KHDRBS2: variants seen among roughly 807,000 people sequenced by gnomAD.
The protein encoded by KHDRBS2 is KH RNA binding domain containing, signal transduction associated 2.
In KHDRBS2, 26 loss-of-function variants were observed where a neutral mutation model predicts 44.3. The ratio of observed to expected loss-of-function variants is 0.59; its 90% CI spans 0.43 to 0.81. The LOEUF is 0.81. Ranked by LOEUF, KHDRBS2 falls within the 40% of genes least tolerant of loss-of-function variation. The pLI is 0.00. For missense variants in KHDRBS2, 476 were observed against 433.1 expected, an observed-to-expected ratio of 1.10 and a Z score of -0.88; for synonymous variants, 194 against 151.1, an observed-to-expected ratio of 1.28 and a Z score of -2.08.
the KHDRBS2 span, among the ~76,000 whole-genome samples, chr6:61,647,031 G>A: frequency 6.6e-6 from 1 of 151,922 alleles, no homozygotes; most frequent in South Asian, 2.1e-4. Flanking sequence ...ATTGGCCAGA[G>A]TGGTCTTGAA....
rs193007579 is a variant in KHDRBS2 at position 61,773,000 on chromosome 6, G to A, written c.811-40236C>T. Among the ~76,000 whole-genome samples the A allele has an allele frequency of 8.9e-3, 1,360 of 152,140 alleles. 14 individuals are homozygous for A. The highest frequency in any genetic ancestry group is 0.031 in the Middle Eastern group (9 of 292). On this transcript the variant is annotated intron_variant, in intron 6 of 8. Coordinates refer to ENST00000281156, the MANE Select transcript of KHDRBS2 (RefSeq NM_152688.4). ...ATTTTTTATGTCTGCATAGTATTCC[G>A]TGGTGTATATGTGCCACATTTTCTT...
At chr6:62,114,252 G>C (rs927362831) in intron 2 of KHDRBS2, among the ~76,000 whole-genome samples, 2 of 151,936 alleles carry the variant, frequency 1.3e-5, no homozygotes, top group African/African-American at 4.8e-5. Flanking sequence ...AATTAAACAA[G>C]GTGCATAAGA....
At chr6:61,964,042 T>A (rs541396876) in intron 4 of KHDRBS2, among the ~76,000 whole-genome samples, 5 of 152,150 alleles carry the variant, frequency 3.3e-5, no homozygotes, top group African/African-American at 1.2e-4. Flanking sequence ...GGTAATGTCA[T>A]CTAAAGACAT....
intron 6 of KHDRBS2, among the ~76,000 whole-genome samples, chr6:61,748,079 C>T (rs1777117013): frequency 6.6e-6 from 1 of 152,138 alleles, no homozygotes; most frequent in Non-Finnish European, 1.5e-5. Flanking sequence ...CAACCTCTGC[C>T]TCTTGGGTTC....
At chr6:61,705,665 A>G (rs1410758120) in intron 7 of KHDRBS2, among the ~76,000 whole-genome samples, 2 of 151,772 alleles carry the variant, frequency 1.3e-5, no homozygotes, top group African/African-American at 2.4e-5. Context: ...GCTGATTGAG[A>G]TTAGGAATAT....
At chr6:62,102,448 G>GCCCCAAAAACAAA (rs1802121700) in intron 2 of KHDRBS2, among the ~76,000 whole-genome samples, 1 of 152,182 alleles carries the variant, frequency 6.6e-6, no homozygotes, top group African/African-American at 2.4e-5. Context: ...GCCCCAAAGA[G>GCCCCAAAAACAAA]GGTGTTACAG....
chr6:61,923,740 T>C lies in KHDRBS2; in HGVS notation c.484-22369A>G, dbSNP rs149813187. On this transcript the variant is annotated intron_variant, in intron 4 of 8. Transcript: ENST00000281156. ...CATAGCAGTGTGAAAGACTGAATCA[T>C]TCCTCTGAGATTAGGGAAAAGGCAA... Among the ~76,000 whole-genome samples the C allele has an allele frequency of 8.6e-3, 1,307 of 152,216 alleles. 8 individuals carry two copies. Among genetic ancestry groups the C allele is most frequent in the Non-Finnish European group, 0.015 (1,007 of 67,964 alleles).
intron 4 of KHDRBS2, among the ~76,000 whole-genome samples, chr6:61,943,437 C>A (rs1442950684): frequency 6.6e-6 from 1 of 151,544 alleles, no homozygotes. Flanking sequence ...AAGAAACAAC[C>A]AGAAAACAAC....
chr6:62,139,204 A>T (rs117059694), intron 2 of KHDRBS2, among the ~76,000 whole-genome samples: 3,090 of 152,188 alleles, frequency 0.02, 43 homozygotes, highest in Middle Eastern at 0.092. Context: ...CAAGAGAATA[A>T]ATATATATAT....
chr6:61,846,973 G>A (rs1794507528), intron 6 of KHDRBS2, among the ~76,000 whole-genome samples: 1 of 152,030 alleles, frequency 6.6e-6, no homozygotes, highest in South Asian at 2.1e-4. Flanking sequence ...TGGAGAAAGA[G>A]TGTAAGTAAA....
intron 2 of KHDRBS2, among the ~76,000 whole-genome samples, chr6:62,172,426 T>C (rs1820204100): frequency 6.6e-6 from 1 of 151,952 alleles, no homozygotes; most frequent in African/African-American, 2.4e-5. Context: ...GTACCCAGAT[T>C]AATAAAGCAA....
At chr6:61,831,006 A>G (rs1791707824) in intron 6 of KHDRBS2, among the ~76,000 whole-genome samples, 2 of 152,196 alleles carry the variant, frequency 1.3e-5, no homozygotes. Context: ...GATATAAAAA[A>G]AAGTCCGAAA....
intron 3 of KHDRBS2, among the ~76,000 whole-genome samples, chr6:61,988,776 T>C (rs1236583404): frequency 6.6e-6 from 1 of 152,218 alleles, no homozygotes; most frequent in African/African-American, 2.4e-5. Context: ...AGAATCACTT[T>C]GGTTTCCACT....
intron 3 of KHDRBS2, among the ~76,000 whole-genome samples, chr6:62,037,403 C>A (rs894617909): frequency 2.0e-5 from 3 of 150,204 alleles, no homozygotes; most frequent in Non-Finnish European, 3.0e-5. Flanking sequence ...AAATGAGAGT[C>A]ATTTGGTGTT....
chr6:61,732,675 G>T lies in KHDRBS2; in HGVS notation c.893+7C>A. 1.9e-6 allele frequency: 3 copies of T among 1,569,086 alleles called. No homozygotes were observed. The highest frequency in any genetic ancestry group is 2.6e-6 in the Non-Finnish European group (3 of 1,139,686). Reference sequence around the variant, plus strand: ...GAGAAGGCTGCTTTAGATAGCAAATGCCTTACCTTTGTGTTTGGGTCGCAT... The same window carrying T: ...GAGAAGGCTGCTTTAGATAGCAAATTCCTTACCTTTGTGTTTGGGTCGCAT... On this transcript the variant is annotated splice_region_variant and intron_variant, in intron 7 of 8. Coordinates refer to ENST00000281156, the MANE Select transcript of KHDRBS2 (RefSeq NM_152688.4).
chr6:61,706,829 T>C (rs1326476073), intron 7 of KHDRBS2, among the ~76,000 whole-genome samples: 1 of 151,792 alleles, frequency 6.6e-6, no homozygotes, highest in African/African-American at 2.4e-5. Flanking sequence ...TAACCTATTA[T>C]GTGCCAGACA....
At chr6:61,784,514 G>C (rs1374338599) in intron 6 of KHDRBS2, among the ~76,000 whole-genome samples, 1 of 151,754 alleles carries the variant, frequency 6.6e-6, no homozygotes, top group Non-Finnish European at 1.5e-5. Context: ...TTTTGTTTTT[G>C]AATCAGTTTA....
At chr6:61,612,729 CAAGTCATCAACCAATAGTA>C in the KHDRBS2 span, among the ~76,000 whole-genome samples, 40 of 151,826 alleles carry the variant, frequency 2.6e-4, no homozygotes, top group African/African-American at 8.9e-4. Context: ...GAAACTTGCC[CAAGTCATCAACCAATAGTA>C]AAGCATTTTT....
At chr6:62,226,448 G>A (rs1049115159) in intron 1 of KHDRBS2, among the ~76,000 whole-genome samples, 3 of 152,026 alleles carry the variant, frequency 2.0e-5, no homozygotes, top group Admixed American at 6.6e-5. Flanking sequence ...TTTGTCAGAT[G>A]GGTAGATTGC....
Sources: gnomAD v4.1 joint callset for allele counts (sites outside exome capture counted in the v4.1 genomes callset) on GRCh38, gnomAD v4.1.1 for gene constraint, MANE v1.5 for transcripts, NCBI Gene and HGNC (gene_info 2026-07-23, HGNC 2026-07-21) for gene names.